PID1: variants seen among roughly 807,000 people sequenced by gnomAD.
The protein encoded by PID1 is phosphotyrosine interaction domain containing 1.
In PID1, 10 loss-of-function variants were observed where a neutral mutation model predicts 19.1. That is an observed-to-expected ratio of 0.52 (90% CI 0.32 to 0.89). PID1 has a LOEUF of 0.89. PID1 is among the 40% of genes least tolerant of loss of function. PID1 has a pLI of 0.03. For missense variants in PID1, 248 were observed against 285.3 expected, an observed-to-expected ratio of 0.87 and a Z score of 0.94; for synonymous variants, 130 against 116.0, an observed-to-expected ratio of 1.12 and a Z score of -0.78.
chr2:229,155,958 G>C lies in PID1; in HGVS notation c.37C>G (p.Gln13Glu), dbSNP rs1559260893. 6.2e-7 allele frequency: 1 copy of C among 1,612,068 alleles called. No homozygotes were observed. ...QPATERLQHF[Q>E]TMLKSKLNVL... Reference sequence around the variant, plus strand: ...TTCAATTTAGACTTCAGCATGGTCTGAAAGTGCTGAAAAGCAGAAAAATAA... The same window carrying C: ...TTCAATTTAGACTTCAGCATGGTCTCAAAGTGCTGAAAAGCAGAAAAATAA... The change falls in exon 2 of 3, where the codon CAG becomes GAG. Residue 13 changes from glutamine to glutamate, a missense_variant. Gln to Glu is a conservative substitution (Grantham distance 29). Coordinates refer to ENST00000392055, the MANE Select transcript of PID1 (RefSeq NM_001100818.2).
At chr2:229,179,009 A>T (rs1210423461) in intron 1 of PID1, among the ~76,000 whole-genome samples, 1 of 152,168 alleles carries the variant, frequency 6.6e-6, no homozygotes, top group African/African-American at 2.4e-5. Flanking sequence ...AAGAAATTGC[A>T]TGTGATCCCT....
At chr2:229,121,246 T>A (rs1278825527) in intron 2 of PID1, among the ~76,000 whole-genome samples, 1 of 152,160 alleles carries the variant, frequency 6.6e-6, no homozygotes, top group Non-Finnish European at 1.5e-5. Context: ...GAGTACCACA[T>A]GGGAGATGGG....
chr2:229,168,728 CTG>C (rs61552212), intron 1 of PID1, among the ~76,000 whole-genome samples: 27,983 of 146,284 alleles, frequency 0.19, 3,157 homozygotes, highest in Admixed American at 0.37. Flanking sequence ...TTCCTTGTTT[CTG>C]TGTGTGTGCG....
At chr2:229,206,081 T>C (rs914588697) in intron 1 of PID1, among the ~76,000 whole-genome samples, 9 of 152,224 alleles carry the variant, frequency 5.9e-5, no homozygotes, top group Non-Finnish European at 4.4e-5. Flanking sequence ...GTGCTTTGGG[T>C]GAAATGTAGA....
At chr2:229,090,363 A>G (rs748382269) in intron 2 of PID1, among the ~76,000 whole-genome samples, 2 of 152,194 alleles carry the variant, frequency 1.3e-5, no homozygotes, top group Non-Finnish European at 2.9e-5. Flanking sequence ...ACCTGAATAC[A>G]CACAAGGCAT....
At chr2:229,043,416 A>C (rs1427330094) in intron 2 of PID1, among the ~76,000 whole-genome samples, 1 of 152,204 alleles carries the variant, frequency 6.6e-6, no homozygotes, top group Non-Finnish European at 1.5e-5. Flanking sequence ...TGTCTAGTTA[A>C]AGTCATTGCC....
intron 2 of PID1, among the ~76,000 whole-genome samples, chr2:229,050,348 G>A (rs1390737636): frequency 6.6e-6 from 1 of 152,188 alleles, no homozygotes; most frequent in African/African-American, 2.4e-5. Flanking sequence ...AGCCTCTCCA[G>A]CAGAGCTCTA....
At chr2:229,121,806 A>G (rs1695527622) in intron 2 of PID1, among the ~76,000 whole-genome samples, 1 of 152,214 alleles carries the variant, frequency 6.6e-6, no homozygotes. Flanking sequence ...AGAACAGTGA[A>G]TAAGACTGAC....
chr2:229,031,902 C>T (rs1029094730), intron 2 of PID1, among the ~76,000 whole-genome samples: 3 of 152,168 alleles, frequency 2.0e-5, no homozygotes, highest in Non-Finnish European at 2.9e-5. Flanking sequence ...GGCATTAACC[C>T]ATAATGTTGA....
intron 2 of PID1, among the ~76,000 whole-genome samples, chr2:229,044,269 T>A (rs1317971152): frequency 6.6e-6 from 1 of 151,966 alleles, no homozygotes; most frequent in Non-Finnish European, 1.5e-5. Context: ...GATGCTTGTG[T>A]GAGAAGATCT....
chr2:229,093,785 T>C (rs552358828), intron 2 of PID1, among the ~76,000 whole-genome samples: 1 of 151,830 alleles, frequency 6.6e-6, no homozygotes, highest in East Asian at 1.9e-4. Flanking sequence ...CTCAACAATC[T>C]AGGCATAGAA....
intron 1 of PID1, among the ~76,000 whole-genome samples, chr2:229,176,753 C>T (rs1411806154): frequency 6.6e-6 from 1 of 152,088 alleles, no homozygotes; most frequent in Non-Finnish European, 1.5e-5. Context: ...CAAAGGGAAG[C>T]CAAAAAATCT....
intron 2 of PID1, among the ~76,000 whole-genome samples, chr2:229,031,943 C>G (rs1473464559): frequency 1.3e-5 from 2 of 152,118 alleles, no homozygotes; most frequent in Non-Finnish European, 2.9e-5. Context: ...CTATTCAGAC[C>G]TTTTTTCAAA....
intron 2 of PID1, among the ~76,000 whole-genome samples, chr2:229,082,496 C>A (rs980930643): frequency 6.6e-6 from 1 of 152,132 alleles, no homozygotes; most frequent in Admixed American, 6.5e-5. Context: ...TGGGTTTAAT[C>A]ATATGAATTT....
intron 2 of PID1, among the ~76,000 whole-genome samples, chr2:229,044,175 G>C (rs147069905): frequency 6.6e-6 from 1 of 152,014 alleles, no homozygotes; most frequent in South Asian, 2.1e-4. Context: ...TTTTTCGACT[G>C]TGCTTTTCCC....
chr2:229,141,377 A>G (rs1342403618), intron 2 of PID1, among the ~76,000 whole-genome samples: 1 of 152,088 alleles, frequency 6.6e-6, no homozygotes, highest in Non-Finnish European at 1.5e-5. Context: ...AAATCTCTGG[A>G]AGGAGAATAA....
At chr2:229,138,558 T>C (rs1182682250) in intron 2 of PID1, among the ~76,000 whole-genome samples, 1 of 152,150 alleles carries the variant, frequency 6.6e-6, no homozygotes, top group African/African-American at 2.4e-5. Flanking sequence ...ATAATGTATA[T>C]GTATAAGGAC....
chr2:229,225,845 T>C (rs951870049), intron 1 of PID1, among the ~76,000 whole-genome samples: 2 of 152,054 alleles, frequency 1.3e-5, no homozygotes, highest in African/African-American at 4.8e-5. Context: ...GAGAACTAAC[T>C]CACTATCATG....
intron 1 of PID1, among the ~76,000 whole-genome samples, chr2:229,211,443 T>C (rs1277959232): frequency 1.3e-5 from 2 of 152,184 alleles, no homozygotes; most frequent in Non-Finnish European, 2.9e-5. Context: ...AAAATCTTTA[T>C]TTGCATGCTT....
Sources: gnomAD v4.1 joint callset for allele counts (sites outside exome capture counted in the v4.1 genomes callset) on GRCh38, gnomAD v4.1.1 for gene constraint, MANE v1.5 for transcripts, NCBI Gene and HGNC (gene_info 2026-07-23, HGNC 2026-07-21) for gene names.